Variants in ATP2B1 observed in about 807,000 individuals in gnomAD.
The protein encoded by ATP2B1 is ATPase plasma membrane Ca2+ transporting 1.
ATP2B1 carries 14 observed loss-of-function variants against 124.2 expected under a neutral mutation model. That is an observed-to-expected ratio of 0.11 (90% CI 0.07 to 0.18). ATP2B1 has a LOEUF of 0.18. Among genes scored for constraint, ATP2B1 ranks in the 10% least tolerant of loss-of-function variants. The probability of loss-of-function intolerance (pLI) is 1.00; values close to 1 mark genes in which losing one functional copy is unlikely to be tolerated. For synonymous variants in ATP2B1, 449 were observed against 492.4 expected, an observed-to-expected ratio of 0.91 and a Z score of 1.17; for missense variants, 763 against 1,466.1, an observed-to-expected ratio of 0.52 and a Z score of 7.83.
chr12:89,670,763 G>A (rs1887863622), intron 1 of ATP2B1, among the ~76,000 whole-genome samples: 1 of 152,036 alleles, frequency 6.6e-6, no homozygotes, highest in African/African-American at 2.4e-5. Context: ...AATAATAAAT[G>A]CAAAACGTAA....
rs559805739 is a variant in ATP2B1 at position 89,626,930 on chromosome 12, T to C, written c.968-315A>G. On this transcript the variant is annotated intron_variant, in intron 7 of 20. Transcript: ENST00000428670. The stretch of plus-strand genomic sequence containing the variant: ...GTTAGGTAACATCTAAACAACATAA[T>C]CCCTCCCCTATAATTTATGACCATA... 6.4e-4 allele frequency among the ~76,000 whole-genome samples: 97 copies of C among 152,258 alleles called. 1 individual carries two copies. The highest frequency in any genetic ancestry group is 2.3e-3 in the African/African-American group (95 of 41,544).
intron 6 of ATP2B1, among the ~76,000 whole-genome samples, chr12:89,630,194 C>T (rs1881618806): frequency 6.6e-6 from 1 of 152,108 alleles, no homozygotes; most frequent in Admixed American, 6.5e-5. Flanking sequence ...AAAGCCACTG[C>T]TAAAGTAGCA....
chr12:89,645,488 G>T (rs1884302968), intron 2 of ATP2B1, among the ~76,000 whole-genome samples: 1 of 152,034 alleles, frequency 6.6e-6, no homozygotes, highest in Admixed American at 6.6e-5. Flanking sequence ...CTACAGACAA[G>T]TACAATGAAG....
Position 89,630,549 on chromosome 12 carries a change from C to T in ATP2B1, c.884G>A (p.Gly295Asp). ...GIIFTLLGAGGEEEEKKDEKK... is the reference protein window; with the variant it reads ...GIIFTLLGAGDEEEEKKDEKK... ...CTCATCTTTCTTCTCTTCCTCTTCA[C>T]CTCCAGCTCCAAGTAAGGTAAAGAT... Residue 295 changes from glycine to aspartate, a missense_variant, in exon 6 of 21, where the codon GGT becomes GAT. By Grantham distance (94) the Gly-to-Asp change is moderately conservative. This residue lies in a region of ATP2B1 where 392 missense variants were observed against 776.6 expected (regional missense o/e 0.50). Transcript: ENST00000428670. 1 of 1,595,130 alleles carries T rather than the reference C, an allele frequency of 6.3e-7. No homozygotes were observed. Among genetic ancestry groups the T allele is most frequent in the Non-Finnish European group, 8.5e-7 (1 of 1,170,188 alleles).
intron 2 of ATP2B1, among the ~76,000 whole-genome samples, chr12:89,647,770 G>A (rs556484956): frequency 1.2e-4 from 18 of 152,264 alleles, no homozygotes; most frequent in African/African-American, 4.3e-4. Context: ...GTCTAGTGGG[G>A]TAATTGGATC....
rs1053969986 is a variant in ATP2B1, at chr12:89,611,457, T to C, written c.2068-85A>G. 4.5e-6 allele frequency: 5 copies of C among 1,111,610 alleles called. No individual in the cohort carries two copies. In the African/African-American group the frequency reaches 8.0e-5, roughly 18 times the overall value. The allele number at this position is 1,111,610 out of a possible 1,614,324, so 68.9% of individuals were successfully genotyped here. The stretch of plus-strand genomic sequence containing the variant: ...ATTTCACTGCACACGACTGCATTAA[T>C]TTATAGTCCCCCAAATGATGACAAT... On this transcript the variant is annotated intron_variant, in intron 12 of 20. Coordinates refer to ENST00000428670, the MANE Select transcript of ATP2B1 (RefSeq NM_001366521.1).
At chr12:89,626,310 C>T in intron 8 of ATP2B1, 144 bp downstream of exon 8, 1 of 885,834 alleles carries the variant, frequency 1.1e-6, no homozygotes, top group Non-Finnish European at 1.7e-6. Flanking sequence ...GGGCCTGGTG[C>T]ATTGTAGCTA....
chr12:89,639,963 T>C (rs533749977), intron 3 of ATP2B1, among the ~76,000 whole-genome samples: 7 of 152,322 alleles, frequency 4.6e-5, no homozygotes, highest in African/African-American at 7.2e-5. Flanking sequence ...CAATATTTGA[T>C]AGTGACAGCT....
chr12:89,649,691 A>C (rs976299312), intron 2 of ATP2B1, among the ~76,000 whole-genome samples: 2 of 152,146 alleles, frequency 1.3e-5, no homozygotes, highest in Admixed American at 1.3e-4. Flanking sequence ...GAAAGACACG[A>C]GATTTGGTGG....
At position 89,601,414 on chromosome 12, in the gene ATP2B1, C is replaced by G; in HGVS notation, c.3080G>C (p.Gly1027Ala). The G allele has an allele frequency of 6.4e-7, 1 of 1,559,284 alleles. No individual in the cohort carries two copies. The highest frequency in any genetic ancestry group is 8.6e-7 in the Non-Finnish European group (1 of 1,161,542). ...FVVQIIIVQF[G>A]GKPFSCSELS... ...TTCTGAACAACTGAAAGGTTTTCCA[C>G]CAAACTGCACAATTATTATCTGGAG... The change falls in exon 19 of 21, where the codon GGT (glycine) becomes GCT (alanine). Residue 1027 changes from glycine to alanine, a missense_variant. Physicochemically the swap from Gly to Ala is moderately conservative, Grantham distance 60. Transcript: ENST00000428670.
rs774920130 is a variant in ATP2B1 at position 89,634,771 on chromosome 12, T to A, written c.787+7A>T. The A allele has an allele frequency of 1.9e-6, 3 of 1,576,256 alleles. No homozygotes were observed. In the East Asian group the frequency reaches 6.7e-5, roughly 35 times the overall value. On this transcript the variant is annotated splice_region_variant and intron_variant, in intron 5 of 20. Transcript: ENST00000428670. Reference sequence around the variant, plus strand: ...AAAGTGTTCAAAGATATAAATGAAATTTTTACCTGATAGAAGTAAGGGATC... The same window carrying A: ...AAAGTGTTCAAAGATATAAATGAAAATTTTACCTGATAGAAGTAAGGGATC...
Position 89,705,580 on chromosome 12 carries a change from G to A in ATP2B1, c.-222+3016C>T, listed in dbSNP as rs534958696. ...TTTTAAAACTCATTTCCCATGGTAA[G>A]AGACTGTTGCATCTGAAATGAAGTT... is the stretch of plus-strand genomic sequence containing the variant. On this transcript the variant is annotated intron_variant, in intron 1 of 20. Coordinates refer to ENST00000428670, the MANE Select transcript of ATP2B1 (RefSeq NM_001366521.1). Among the ~76,000 whole-genome samples the A allele has an allele frequency of 3.0e-4, 46 of 152,298 alleles. 1 individual carries two copies. The highest frequency in any genetic ancestry group is 1.1e-3 in the African/African-American group (45 of 41,572).
intron 1 of ATP2B1, among the ~76,000 whole-genome samples, chr12:89,693,968 CTT>C (rs1248978044): frequency 6.6e-6 from 1 of 152,158 alleles, no homozygotes; most frequent in Non-Finnish European, 1.5e-5. Context: ...TCTGCTTTCT[CTT>C]TGATTCCTCC....
In ATP2B1 at chr12:89,699,256, T is replaced by A. The variant is rs917795463; in HGVS notation, c.-222+9340A>T. On this transcript the variant is annotated intron_variant, in intron 1 of 20. Transcript: ENST00000428670. ...CTCCCTTGTGGATTTATGGCTTTTT[T>A]AAAAAAGAATTCCCTTATTCTCATT... Among the ~76,000 whole-genome samples the A allele has an allele frequency of 5.7e-4, 86 of 152,202 alleles. 1 individual carries two copies. The highest frequency in any genetic ancestry group is 4.1e-4 in the Non-Finnish European group (28 of 68,042).
intron 11 of ATP2B1, among the ~76,000 whole-genome samples, chr12:89,617,611 A>C (rs1879206640): frequency 6.6e-6 from 1 of 152,176 alleles, no homozygotes; most frequent in Non-Finnish European, 1.5e-5. Flanking sequence ...ATAATGAATA[A>C]AAATCATACT....
In ATP2B1 at chr12:89,626,730, T is replaced by C; in HGVS notation, c.968-115A>G. 4 of 1,234,560 alleles carry C rather than the reference T, an allele frequency of 3.2e-6. No homozygotes were observed. In the South Asian group the frequency reaches 5.2e-5, roughly 16 times the overall value. 76.5% of individuals were successfully genotyped at this position (1,234,560 alleles called of 1,614,324 possible). ...ACAGAAACCAGTAAAGGTATAAGCA[T>C]TCAGCTTTGTGAGTGTGTGTGTGTG... is the stretch of plus-strand genomic sequence containing the variant. On this transcript the variant is annotated intron_variant, in intron 7 of 20. Transcript: ENST00000428670.
chr12:89,665,904 A>C (rs1296128610), intron 1 of ATP2B1, among the ~76,000 whole-genome samples: 1 of 152,256 alleles, frequency 6.6e-6, no homozygotes, highest in African/African-American at 2.4e-5. Context: ...TGAGGGAGGC[A>C]TAACTCTTAT....
chr12:89,684,774 T>C (rs1232370638), intron 1 of ATP2B1, among the ~76,000 whole-genome samples: 1 of 152,174 alleles, frequency 6.6e-6, no homozygotes, highest in Non-Finnish European at 1.5e-5. Context: ...GAAACTTGGC[T>C]TCTCTCCCTC....
Position 89,590,474 on chromosome 12 carries a change from C to T in ATP2B1, c.*510G>A, listed in dbSNP as rs1873355565. ...TTGAAGGACTAATTTTTCTCTGCAT[C>T]AGTTATAAGGAAGCTTCCCATCTAT... On this transcript the variant is annotated 3_prime_UTR_variant, in exon 21 of 21. Transcript: ENST00000428670. The T allele has an allele frequency of 6.6e-6, 1 of 150,692 alleles. No individual in the cohort carries two copies. Among genetic ancestry groups the T allele is most frequent in the African/African-American group, 2.4e-5 (1 of 40,842 alleles). 9.3% of individuals were successfully genotyped at this position (150,692 alleles called of 1,614,324 possible).
Sources: gnomAD v4.1 joint callset for allele counts (sites outside exome capture counted in the v4.1 genomes callset) on GRCh38, gnomAD v4.1.1 for gene constraint, gnomAD v4.1.1 regional missense constraint, MANE v1.5 for transcripts, NCBI Gene and HGNC (gene_info 2026-07-23, HGNC 2026-07-21) for gene names.